PTPN14: variants seen among roughly 807,000 people sequenced by gnomAD.
PTPN14 encodes the protein protein tyrosine phosphatase non-receptor type 14, also known as tyrosine-protein phosphatase non-receptor type 14.
In PTPN14, 53 loss-of-function variants were observed where a neutral mutation model predicts 126.8. The ratio of observed to expected loss-of-function variants is 0.42; its 90% CI spans 0.34 to 0.53. The LOEUF (loss-of-function observed/expected upper bound fraction) is 0.53, where lower values mean the gene tolerates loss of function less well. Ranked by LOEUF, PTPN14 falls within the 20% of genes least tolerant of loss-of-function variation. PTPN14 has a pLI of 0.08. For synonymous variants in PTPN14, 630 were observed against 599.3 expected (o/e 1.05, Z -0.75); for missense variants, 1,257 against 1,552.9 (o/e 0.81, Z 3.20).
intron 17 of PTPN14, among the ~76,000 whole-genome samples, chr1:214,366,847 G>A (rs1463330268): frequency 1.3e-5 from 2 of 152,052 alleles, no homozygotes; most frequent in Admixed American, 1.3e-4. Context: ...GCCAGGCGTG[G>A]TGGTGGGCGC....
intron 1 of PTPN14, among the ~76,000 whole-genome samples, chr1:214,466,801 T>C (rs989252300): frequency 1.3e-5 from 2 of 152,128 alleles, no homozygotes; most frequent in African/African-American, 4.8e-5. Flanking sequence ...CCAAGACACT[T>C]GGATGTACAA....
At chr1:214,421,512 T>A (rs1659543647) in intron 3 of PTPN14, among the ~76,000 whole-genome samples, 1 of 151,996 alleles carries the variant, frequency 6.6e-6, no homozygotes, top group Admixed American at 6.6e-5. Flanking sequence ...GTTAAAATGA[T>A]GGATTTACTC....
chr1:214,395,128 C>A lies in PTPN14; in HGVS notation c.759-142G>T, dbSNP rs11120308. 588,394 of 750,924 alleles carry A rather than the reference C, an allele frequency of 0.78. 232,553 individuals are homozygous for A. Among genetic ancestry groups the A allele is most frequent in the African/African-American group, 0.95 (54,449 of 57,080 alleles). The allele number at this position is 750,924 out of a possible 1,614,324, so 46.5% of individuals were successfully genotyped here. A position where few individuals can be genotyped will look rare whatever the true frequency, so the allele number is the denominator to read the frequency against. On this transcript the variant is annotated intron_variant, in intron 8 of 18. Coordinates refer to ENST00000366956, the MANE Select transcript of PTPN14 (RefSeq NM_005401.5). The stretch of plus-strand genomic sequence containing the variant: ...TTTTTAAGTGAAATGTTCTTTCAAA[C>A]GAGAAAAGAAAATGCAACACATATC...
intron 1 of PTPN14, among the ~76,000 whole-genome samples, chr1:214,534,668 G>A (rs899427003): frequency 8.0e-5 from 12 of 150,846 alleles, no homozygotes; most frequent in Admixed American, 5.3e-4. Flanking sequence ...AGCCAAGACC[G>A]CGCCACTGCA....
At chr1:214,431,504 G>C (rs1257638609) in intron 3 of PTPN14, among the ~76,000 whole-genome samples, 2 of 152,242 alleles carry the variant, frequency 1.3e-5, no homozygotes, top group African/African-American at 4.8e-5. Context: ...TGGCAGAGCA[G>C]AATTCAAATC....
intron 1 of PTPN14, among the ~76,000 whole-genome samples, chr1:214,505,453 G>A (rs1209139516): frequency 6.6e-6 from 1 of 152,164 alleles, no homozygotes; most frequent in African/African-American, 2.4e-5. Context: ...GGTCCCTTCG[G>A]GGGGGTGGGG....
chr1:214,497,128 C>CA (rs537412000), intron 1 of PTPN14, among the ~76,000 whole-genome samples: 1,865 of 149,670 alleles, frequency 0.012, 20 homozygotes, highest in Non-Finnish European at 0.018. Context: ...GGTGGGGGGT[C>CA]GGGGGGAAGA....
At chr1:214,424,532 CTT>C (rs762517027) in intron 3 of PTPN14, among the ~76,000 whole-genome samples, 9 of 138,894 alleles carry the variant, frequency 6.5e-5, no homozygotes, top group Non-Finnish European at 7.9e-5. Flanking sequence ...CACTTTCTTT[CTT>C]TTTTTTTTTT....
intron 1 of PTPN14, among the ~76,000 whole-genome samples, chr1:214,492,084 AT>A (rs1025560091): frequency 2.0e-5 from 3 of 151,940 alleles, no homozygotes; most frequent in Admixed American, 6.6e-5. Context: ...ACTTATTTCC[AT>A]TTTGGGATGA....
In PTPN14 at chr1:214,391,122, G is replaced by T. The variant is rs184320616; in HGVS notation, c.930-77C>A. On this transcript the variant is annotated intron_variant, in intron 10 of 18. Transcript: ENST00000366956. Reference sequence around the variant, plus strand: ...GACCAGATAGACAAGGGAAGGAGAGGAAGAGAATAAACAAGACTGGTAATC... The same window carrying T: ...GACCAGATAGACAAGGGAAGGAGAGTAAGAGAATAAACAAGACTGGTAATC... 5.3e-6 allele frequency: 6 copies of T among 1,124,138 alleles called. No individual in the cohort carries two copies. In the East Asian group the frequency reaches 1.6e-4, roughly 29 times the overall value. The allele number at this position is 1,124,138 out of a possible 1,614,324, so 69.6% of individuals were successfully genotyped here. A position where few individuals can be genotyped will look rare whatever the true frequency, so the allele number is the denominator to read the frequency against.
Position 214,433,949 on chromosome 1 carries a change from CACAAAAAA to C in PTPN14, c.344+17848_344+17855del, listed in dbSNP as rs1274244682. ...ACACACACACACACACACACACACA[CACAAAAAA>C]AAAAAAAAAAAAAAACTCAAAAAAT... is the stretch of plus-strand genomic sequence containing the variant. On this transcript the variant is annotated intron_variant, in intron 3 of 18. Transcript: ENST00000366956. 8.6e-3 allele frequency among the ~76,000 whole-genome samples: 591 copies of C among 68,560 alleles called. 3 individuals carry two copies. The highest frequency in any genetic ancestry group is 0.017 in the African/African-American group (253 of 14,518). 45.0% of individuals were successfully genotyped at this position (68,560 alleles called of 152,430 possible).
chr1:214,475,694 G>C (rs1324627518), intron 1 of PTPN14, among the ~76,000 whole-genome samples: 1 of 152,198 alleles, frequency 6.6e-6, no homozygotes. Context: ...CATTTGTGAA[G>C]CAGACACATT....
chr1:214,479,741 G>A (rs1006298205), intron 1 of PTPN14, among the ~76,000 whole-genome samples: 1 of 151,816 alleles, frequency 6.6e-6, no homozygotes, highest in African/African-American at 2.4e-5. Context: ...AAGCTCAGTC[G>A]TTTTCTATTT....
At chr1:214,521,888 T>G in intron 1 of PTPN14, among the ~76,000 whole-genome samples, 1 of 149,588 alleles carries the variant, frequency 6.7e-6, no homozygotes, top group African/African-American at 2.5e-5. Flanking sequence ...CATAAGATTT[T>G]TGTTGTTTTT....
chr1:214,369,670 G>T lies in PTPN14; in HGVS notation c.3058C>A (p.His1020Asn). The change falls in exon 17 of 19, where the codon CAC becomes AAC. Residue 1020 changes from histidine to asparagine, a missense_variant. Around this residue, in one of 3 missense-constraint regions of PTPN14, gnomAD observed 171 missense variants for 229.8 expected, o/e 0.74. Transcript: ENST00000366956. ...AEEEGGRTKS[H>N]RYWPKLGSKH... Reference sequence around the variant, plus strand: ...GAACCTAGTTTGGGCCAGTATCGGTGGCTTTTGGTTCGTCCACCCTCCTAA... The same window carrying T: ...GAACCTAGTTTGGGCCAGTATCGGTTGCTTTTGGTTCGTCCACCCTCCTAA... 6.2e-7 allele frequency: 1 copy of T among 1,614,114 alleles called. No homozygotes were observed. The highest frequency in any genetic ancestry group is 8.5e-7 in the Non-Finnish European group (1 of 1,180,002).
intron 1 of PTPN14, among the ~76,000 whole-genome samples, chr1:214,535,510 G>A (rs994518587): frequency 6.6e-6 from 1 of 152,210 alleles, no homozygotes; most frequent in Non-Finnish European, 1.5e-5. Context: ...GGGCATGGTG[G>A]CTCACACCTG....
intron 2 of PTPN14, among the ~76,000 whole-genome samples, chr1:214,455,737 C>A (rs937276692): frequency 1.5e-4 from 23 of 152,266 alleles, no homozygotes; most frequent in African/African-American, 4.8e-4. Flanking sequence ...GTTTGGTGTA[C>A]TGCATTTTAA....
intron 1 of PTPN14, among the ~76,000 whole-genome samples, chr1:214,497,538 T>C (rs1654559477): frequency 6.6e-6 from 1 of 152,156 alleles, no homozygotes; most frequent in Admixed American, 6.5e-5. Flanking sequence ...AGCTTCTACA[T>C]ACATCTATGA....
At chr1:214,466,176 G>A (rs1660633299) in intron 1 of PTPN14, among the ~76,000 whole-genome samples, 1 of 151,122 alleles carries the variant, frequency 6.6e-6, no homozygotes, top group Non-Finnish European at 1.5e-5. Flanking sequence ...TGGCCAGGCT[G>A]GTCTTGAACT....
Sources: allele counts gnomAD v4.1 joint callset (sites outside exome capture counted in the v4.1 genomes callset), GRCh38; gene constraint gnomAD v4.1.1; regional missense constraint gnomAD v4.1.1; transcripts MANE v1.5; gene names NCBI Gene and HGNC (gene_info 2026-07-23, HGNC 2026-07-21).